CSMD1: variants seen among roughly 807,000 people sequenced by gnomAD.
CSMD1 encodes CUB and sushi domain-containing protein 1.
In CSMD1, 213 loss-of-function variants were observed where a neutral mutation model predicts 417.5. That is an observed-to-expected ratio of 0.51 (90% confidence interval 0.46 to 0.57). The LOEUF (loss-of-function observed/expected upper bound fraction) is 0.57. Ranked by LOEUF, CSMD1 falls within the 20% of genes least tolerant of loss-of-function variation. CSMD1 has a pLI of 0.00. For synonymous variants in CSMD1, 2,862 were observed against 1,736.8 expected, an observed-to-expected ratio of 1.65 and a Z score of -16.11; for missense variants, 6,923 against 4,529.7, an observed-to-expected ratio of 1.53 and a Z score of -15.17.
At chr8:3,020,659 A>T (rs1454681715) in intron 51 of CSMD1, among the ~76,000 whole-genome samples, 2 of 152,024 alleles carry the variant, frequency 1.3e-5, no homozygotes, top group Non-Finnish European at 2.9e-5. Context: ...CTTTTAATTA[A>T]GCTGTCTTTA....
chr8:4,180,644 G>T (rs992434981), intron 3 of CSMD1, among the ~76,000 whole-genome samples: 2 of 151,824 alleles, frequency 1.3e-5, no homozygotes, highest in Non-Finnish European at 1.5e-5. Flanking sequence ...AACAAAAGAA[G>T]TTCTAATCCT....
chr8:3,782,340 T>A (rs754218846), intron 5 of CSMD1, among the ~76,000 whole-genome samples: 1 of 152,138 alleles, frequency 6.6e-6, no homozygotes, highest in Non-Finnish European at 1.5e-5. Context: ...TATAGGAAAA[T>A]GTTCAAAAAG....
chr8:3,197,242 T>A (rs142739275), intron 33 of CSMD1, among the ~76,000 whole-genome samples: 3 of 96,310 alleles, frequency 3.1e-5, no homozygotes, highest in African/African-American at 1.3e-4. Context: ...GAGTCACACG[T>A]TTTTTTGCAC....
In CSMD1 at chr8:4,369,506, G is replaced by C. The variant is rs539358343; in HGVS notation, c.415+50447C>G. On this transcript the variant is annotated intron_variant, in intron 3 of 69. Coordinates refer to ENST00000635120, the MANE Select transcript of CSMD1 (RefSeq NM_033225.6). ...AGTTCAAAATATCTGTTAGTTTTCTGCCACAATGATTTGTCTAACACCGTC... is the reference window on the plus strand; with the variant it reads ...AGTTCAAAATATCTGTTAGTTTTCTCCCACAATGATTTGTCTAACACCGTC... 5.3e-5 allele frequency among the ~76,000 whole-genome samples: 8 copies of C among 152,178 alleles called. No homozygotes were observed. In the East Asian group the frequency reaches 1.5e-3, roughly 29 times the overall value.
chr8:3,955,631 A>C (rs895546267), intron 5 of CSMD1, among the ~76,000 whole-genome samples: 3 of 152,156 alleles, frequency 2.0e-5, no homozygotes, highest in African/African-American at 7.2e-5. Flanking sequence ...TCATCAATAA[A>C]TACCTCACTA....
At chr8:4,055,020 C>G (rs1034347438) in intron 3 of CSMD1, among the ~76,000 whole-genome samples, 3 of 152,100 alleles carry the variant, frequency 2.0e-5, no homozygotes, top group African/African-American at 7.2e-5. Context: ...GTGAAGAAGG[C>G]GCCTATTTCA....
chr8:3,218,728 C>T (rs1012927437), intron 29 of CSMD1, among the ~76,000 whole-genome samples: 2 of 151,590 alleles, frequency 1.3e-5, no homozygotes, highest in Admixed American at 6.6e-5. Flanking sequence ...AAAAATTAGC[C>T]GTGTATGGTG....
chr8:3,091,621 T>G lies in CSMD1; in HGVS notation c.7180A>C (p.Asn2394His). 6.2e-7 allele frequency: 1 copy of G among 1,612,018 alleles called. No individual in the cohort carries two copies. Among genetic ancestry groups the G allele is most frequent in the Non-Finnish European group, 8.5e-7 (1 of 1,179,486 alleles). The change falls in exon 48 of 70, where the codon AAT (asparagine) becomes CAT (histidine). Residue 2394 changes from asparagine to histidine, a missense_variant. Asn to His is a moderately conservative substitution (Grantham distance 68). Transcript: ENST00000635120. ...GTAAAATTTGATTGTTCAGTATGAT[T>G]CCCACTTAAGACTACTAGCAGAGGA... is the stretch of plus-strand genomic sequence containing the variant. ...QSPLLVVLSG[N>H]HTEQSNFTSR...
chr8:4,022,184 GTA>G (rs10631130), intron 4 of CSMD1, among the ~76,000 whole-genome samples: 39 of 118,052 alleles, frequency 3.3e-4, no homozygotes, highest in Middle Eastern at 4.5e-3. Context: ...ATATTTATGT[GTA>G]TATATATATA....
intron 5 of CSMD1, among the ~76,000 whole-genome samples, chr8:3,896,784 T>C (rs1173180263): frequency 6.6e-6 from 1 of 152,098 alleles, no homozygotes; most frequent in Non-Finnish European, 1.5e-5. Context: ...AGCAAGTATA[T>C]TGTCTGAGAG....
intron 3 of CSMD1, among the ~76,000 whole-genome samples, chr8:4,214,237 A>G (rs569088170): frequency 2.0e-5 from 3 of 152,324 alleles, no homozygotes; most frequent in African/African-American, 7.2e-5. Context: ...AATGGAAGTA[A>G]GCCTTGAAAT....
intron 14 of CSMD1, among the ~76,000 whole-genome samples, chr8:3,407,635 A>T (rs986287822): frequency 2.0e-5 from 3 of 152,094 alleles, no homozygotes; most frequent in Admixed American, 6.5e-5. Flanking sequence ...GGAAAACCGG[A>T]GAGAAAGAGA....
intron 3 of CSMD1, among the ~76,000 whole-genome samples, chr8:4,253,598 G>C (rs560300265): frequency 1.3e-5 from 2 of 152,058 alleles, no homozygotes; most frequent in Non-Finnish European, 2.9e-5. Flanking sequence ...AATGAGATGA[G>C]AAAGTATCTG....
Position 4,214,871 on chromosome 8 carries a change from T to A in CSMD1, c.416-182772A>T, listed in dbSNP as rs527524696. 3.9e-4 allele frequency among the ~76,000 whole-genome samples: 59 copies of A among 151,722 alleles called. No individual in the cohort carries two copies. The East Asian group carries it at 9.1e-3, about 23-fold the overall frequency. On this transcript the variant is annotated intron_variant, in intron 3 of 69. Transcript: ENST00000635120. ...GACCACCAGGTTTAGATAGCGTTTT[T>A]TTAAAAAAATGTATATTCTTTTTTA...
intron 5 of CSMD1, among the ~76,000 whole-genome samples, chr8:3,867,840 T>G (rs560576773): frequency 1.3e-5 from 2 of 152,174 alleles, no homozygotes; most frequent in South Asian, 4.2e-4. Flanking sequence ...GGCCTCCATT[T>G]CCAGGATTGA....
At position 3,761,202 on chromosome 8, in the gene CSMD1, C is replaced by G. The variant is rs114537667; in HGVS notation, c.819-7160G>C. On this transcript the variant is annotated intron_variant, in intron 5 of 69. Coordinates refer to ENST00000635120, the MANE Select transcript of CSMD1 (RefSeq NM_033225.6). ...ACATTAGGAAAAGCGACAATGAACTCTCATATTGCAAGAACATGAAAAACA... is the reference window on the plus strand; with the variant it reads ...ACATTAGGAAAAGCGACAATGAACTGTCATATTGCAAGAACATGAAAAACA... Among the ~76,000 whole-genome samples, 509 of 152,176 alleles carry G rather than the reference C, an allele frequency of 3.3e-3. 3 individuals are homozygous for G. Among genetic ancestry groups the G allele is most frequent in the African/African-American group, 0.012 (489 of 41,518 alleles).
At chr8:3,183,045 AC>A (rs1176155956) in intron 36 of CSMD1, 2 of 152,046 alleles carry the variant, frequency 1.3e-5, no homozygotes, top group African/African-American at 2.4e-5. Context: ...GGCATGAGCC[AC>A]CGCACCCGGC....
intron 2 of CSMD1, among the ~76,000 whole-genome samples, chr8:4,424,404 G>T (rs1025590672): frequency 6.6e-6 from 1 of 151,820 alleles, no homozygotes; most frequent in Admixed American, 6.6e-5. Context: ...GTGACCTAAA[G>T]GACATCCAGA....
At chr8:4,802,898 C>T (rs939501727) in intron 1 of CSMD1, among the ~76,000 whole-genome samples, 3 of 152,110 alleles carry the variant, frequency 2.0e-5, no homozygotes, top group African/African-American at 4.8e-5. Context: ...GTTTTCAAAT[C>T]GTGTGACATT....
Sources: allele counts gnomAD v4.1 joint callset (sites outside exome capture counted in the v4.1 genomes callset), GRCh38; gene constraint gnomAD v4.1.1; transcripts MANE v1.5; gene names NCBI Gene and HGNC (gene_info 2026-07-23, HGNC 2026-07-21).